The following UGT1A7 variants were observed in gnomAD, a reference collection of about 807,000 sequenced individuals.
UGT1A7 encodes the protein UDP-glucuronosyltransferase 1A7.
In UGT1A7, 33 loss-of-function variants were observed where a neutral mutation model predicts 45.6. The observed-to-expected ratio is 0.72, with a 90% confidence interval of 0.55 to 0.97. UGT1A7 has a LOEUF of 0.97. Among genes scored for constraint, UGT1A7 ranks in the 50% least tolerant of loss-of-function variants. UGT1A7 has a pLI of 0.00. For missense variants in UGT1A7, 684 were observed against 666.2 expected, an observed-to-expected ratio of 1.03 and a Z score of -0.29; for synonymous variants, 274 against 250.6, an observed-to-expected ratio of 1.09 and a Z score of -0.88.
chr2:233,712,709 G>T (rs1274471996), intron 1 of UGT1A7, among the ~76,000 whole-genome samples: 1 of 152,054 alleles, frequency 6.6e-6, no homozygotes, highest in Non-Finnish European at 1.5e-5. Flanking sequence ...CTTGTGTTGG[G>T]AATTGAATGA....
intron 1 of UGT1A7, among the ~76,000 whole-genome samples, chr2:233,757,535 A>AATATATATAC (rs376887521): frequency 4.5e-5 from 4 of 88,310 alleles, no homozygotes; most frequent in South Asian, 5.2e-4. Context: ...GCCTGTAAGG[A>AATATATATAC]ATATATATAT....
Position 233,769,621 on chromosome 2 carries a change from A to G in UGT1A7, c.1295+1182A>G. 2 of 1,612,498 alleles carry G rather than the reference A, an allele frequency of 1.2e-6. No homozygotes were observed. The highest frequency in any genetic ancestry group is 1.7e-5 in the Admixed American group (1 of 59,994). On this transcript the variant is annotated intron_variant, in intron 4 of 4. Transcript: ENST00000373426. The surrounding 1 kb of genome is among the most constrained non-coding windows in gnomAD (Gnocchi z 4.4). Reference sequence around the variant, plus strand: ...ACACGGGGACACACCAGCTTGAGCAAGGGACAACAGGGGAGGACTGATGAC... The same window carrying G: ...ACACGGGGACACACCAGCTTGAGCAGGGGACAACAGGGGAGGACTGATGAC...
rs545970311 is a variant in UGT1A7, at chr2:233,731,854, C to T, written c.856-35180C>T. On this transcript the variant is annotated intron_variant, in intron 1 of 4. Coordinates refer to ENST00000373426, the MANE Select transcript of UGT1A7 (RefSeq NM_019077.3). The stretch of plus-strand genomic sequence containing the variant: ...TTCTAGTTCTAGGTCCTTGAGGAAT[C>T]GCCACACTGTCTTCCACAATGGTTG... 1.3e-4 allele frequency among the ~76,000 whole-genome samples: 20 copies of T among 152,300 alleles called. No individual in the cohort carries two copies. The East Asian group carries it at 2.7e-3, about 21-fold the overall frequency.
intron 1 of UGT1A7, among the ~76,000 whole-genome samples, chr2:233,759,307 A>C (rs936926400): frequency 6.6e-6 from 1 of 152,192 alleles, no homozygotes; most frequent in Non-Finnish European, 1.5e-5. Context: ...TGAGTGGCTG[A>C]GGTGGGTGAG....
At chr2:233,712,664 G>GT (rs2076247267) in intron 1 of UGT1A7, among the ~76,000 whole-genome samples, 1 of 152,174 alleles carries the variant, frequency 6.6e-6, no homozygotes, top group African/African-American at 2.4e-5. Flanking sequence ...TAAGAGAGAA[G>GT]TAGGAGACAG....
Position 233,760,901 on chromosome 2 carries a change from C to T in UGT1A7, c.856-6133C>T, listed in dbSNP as rs766170365. The T allele has an allele frequency of 1.9e-6, 3 of 1,614,178 alleles. No homozygotes were observed. The highest frequency in any genetic ancestry group is 2.2e-5 in the East Asian group (1 of 44,884). On this transcript the variant is annotated intron_variant, in intron 1 of 4. Coordinates refer to ENST00000373426, the MANE Select transcript of UGT1A7 (RefSeq NM_019077.3). ...CTCTCCTCTCATTCAGATCACATGA[C>T]CTTCCTGCAGCGGGTGAAGAACATG... is the stretch of plus-strand genomic sequence containing the variant.
intron 1 of UGT1A7, among the ~76,000 whole-genome samples, chr2:233,701,559 C>T (rs1345105589): frequency 1.3e-5 from 2 of 152,136 alleles, no homozygotes; most frequent in Admixed American, 6.5e-5. Context: ...CAGCACCACA[C>T]CACACCTACT....
intron 1 of UGT1A7, chr2:233,760,375 A>T (rs1032753915): frequency 1.2e-6 from 2 of 1,614,042 alleles, no homozygotes; most frequent in Admixed American, 1.7e-5. Context: ...TGCTGGGAAG[A>T]TACTGTTGAT....
At chr2:233,752,001 G>A (rs960464465) in intron 1 of UGT1A7, among the ~76,000 whole-genome samples, 26 of 152,178 alleles carry the variant, frequency 1.7e-4, no homozygotes, top group Admixed American at 1.3e-3. Flanking sequence ...TGAGAAAGTT[G>A]ATGAGAAAGT....
intron 1 of UGT1A7, chr2:233,693,817 G>A (rs1367141196): frequency 6.2e-7 from 1 of 1,614,142 alleles, no homozygotes; most frequent in Non-Finnish European, 8.5e-7. Flanking sequence ...TGCCCAACAT[G>A]GTCTTCATTG....
intron 1 of UGT1A7, chr2:233,748,131 A>C: frequency 6.2e-7 from 1 of 1,610,240 alleles, no homozygotes; most frequent in Non-Finnish European, 8.5e-7. Context: ...ACAGTTTTTA[A>C]AAATTGTATT....
At chr2:233,749,591 G>A (rs1280802236) in intron 1 of UGT1A7, among the ~76,000 whole-genome samples, 27 of 151,796 alleles carry the variant, frequency 1.8e-4, no homozygotes. Context: ...GTCTCAACAT[G>A]AAGTCACACT....
intron 1 of UGT1A7, among the ~76,000 whole-genome samples, chr2:233,700,715 T>C (rs988984711): frequency 6.6e-6 from 1 of 152,182 alleles, no homozygotes; most frequent in Admixed American, 6.5e-5. Flanking sequence ...TTTTTTTCTT[T>C]TTTTAAAAAT....
intron 1 of UGT1A7, chr2:233,740,831 T>A (rs1418284400): frequency 1.3e-5 from 2 of 151,936 alleles, no homozygotes; most frequent in East Asian, 3.8e-4. Flanking sequence ...GCTGAGACAT[T>A]TTAAAAGGAG....
intron 1 of UGT1A7, among the ~76,000 whole-genome samples, chr2:233,706,932 A>G (rs1395113598): frequency 6.6e-6 from 1 of 152,126 alleles, no homozygotes; most frequent in Non-Finnish European, 1.5e-5. Context: ...GAGTCTGGTG[A>G]GATGGAATGC....
chr2:233,699,542 A>G (rs572056106), intron 1 of UGT1A7, among the ~76,000 whole-genome samples: 2 of 152,328 alleles, frequency 1.3e-5, no homozygotes, highest in East Asian at 3.9e-4. Context: ...CATTCACATC[A>G]TAGAGCCAGG....
intron 1 of UGT1A7, chr2:233,747,490 T>G: frequency 6.2e-7 from 1 of 1,609,038 alleles, no homozygotes; most frequent in Non-Finnish European, 8.5e-7. Flanking sequence ...GATCGCCTTG[T>G]GCTGGGCCAC....
intron 4 of UGT1A7, among the ~76,000 whole-genome samples, chr2:233,768,707 C>T (rs1156909231): frequency 6.0e-5 from 9 of 150,670 alleles, no homozygotes; most frequent in Non-Finnish European, 1.3e-4. Flanking sequence ...CCTCAGCCTC[C>T]GTGTAGCTGG....
At chr2:233,689,215 AC>A (rs2074932352) in intron 1 of UGT1A7, among the ~76,000 whole-genome samples, 1 of 152,178 alleles carries the variant, frequency 6.6e-6, no homozygotes, top group South Asian at 2.1e-4. Flanking sequence ...AGCCATACTT[AC>A]CTGCACTTCC....
Sources: gnomAD v4.1 joint callset for allele counts (sites outside exome capture counted in the v4.1 genomes callset) on GRCh38, gnomAD v4.1.1 for gene constraint, Gnocchi (gnomAD v3.1) non-coding constraint, MANE v1.5 for transcripts, NCBI Gene and HGNC (gene_info 2026-07-23, HGNC 2026-07-21) for gene names.